TCF7L1: variants seen among roughly 807,000 people sequenced by gnomAD.
TCF7L1 encodes transcription factor 7-like 1.
TCF7L1 carries 18 observed loss-of-function variants against 63.7 expected under a neutral mutation model. That is an observed-to-expected ratio of 0.28 (90% CI 0.20 to 0.42). The LOEUF (loss-of-function observed/expected upper bound fraction) is 0.42, where lower values mean the gene tolerates loss of function less well. Ranked by LOEUF, TCF7L1 falls within the 10% of genes least tolerant of loss-of-function variation. The pLI is 1.00. For synonymous variants in TCF7L1, 355 were observed against 340.9 expected (o/e 1.04, Z -0.46); for missense variants, 654 against 779.3 (o/e 0.84, Z 1.91).
chr2:85,301,362 T>G (rs1480908064), intron 4 of TCF7L1, among the ~76,000 whole-genome samples: 1 of 152,216 alleles, frequency 6.6e-6, no homozygotes, highest in Non-Finnish European at 1.5e-5. Flanking sequence ...ACAGCTTCTT[T>G]TCTAGGTTAT....
At chr2:85,150,025 G>T (rs1339667297) in intron 3 of TCF7L1, among the ~76,000 whole-genome samples, 1 of 152,208 alleles carries the variant, frequency 6.6e-6, no homozygotes, top group African/African-American at 2.4e-5. Context: ...TTAACATAGA[G>T]ACAGTACAAT....
rs1357581133 is a variant in TCF7L1 at position 85,133,955 on chromosome 2, C to A, written c.249+22C>A. On this transcript the variant is annotated intron_variant, in intron 1 of 11. Transcript: ENST00000282111. The surrounding 1 kb of genome is among the most constrained non-coding windows in gnomAD (Gnocchi z 4.4). The stretch of plus-strand genomic sequence containing the variant: ...GGAGGTAAGGAAGCACCGCGGCCAC[C>A]CCCGGGGGATCCCGGCCCTGCGTCC... 6.4e-7 allele frequency: 1 copy of A among 1,570,472 alleles called. No individual in the cohort carries two copies. The highest frequency in any genetic ancestry group is 8.6e-7 in the Non-Finnish European group (1 of 1,156,494).
In TCF7L1 at chr2:85,309,476, C is replaced by G; in HGVS notation, c.*14C>G. 1.3e-6 allele frequency: 2 copies of G among 1,516,892 alleles called. No individual in the cohort carries two copies. The highest frequency in any genetic ancestry group is 1.8e-6 in the Non-Finnish European group (2 of 1,134,178). The allele number at this position is 1,516,892 out of a possible 1,614,324, so 94.0% of individuals were successfully genotyped here. Reference sequence around the variant, plus strand: ...TCTGCCCACTAAGCTCCCCCCGACCCCTGCAGGCTGTCACATGACTCATTG... The same window carrying G: ...TCTGCCCACTAAGCTCCCCCCGACCGCTGCAGGCTGTCACATGACTCATTG... On this transcript the variant is annotated 3_prime_UTR_variant, in exon 12 of 12. Transcript: ENST00000282111.
At chr2:85,259,111 T>TTGTC (rs1680795593) in intron 3 of TCF7L1, among the ~76,000 whole-genome samples, 1 of 152,124 alleles carries the variant, frequency 6.6e-6, no homozygotes, top group Non-Finnish European at 1.5e-5. Context: ...CCAAGACACA[T>TTGTC]TGTCATTCTG....
intron 3 of TCF7L1, among the ~76,000 whole-genome samples, chr2:85,160,034 T>C (rs1203254369): frequency 6.6e-6 from 1 of 152,198 alleles, no homozygotes; most frequent in African/African-American, 2.4e-5. Context: ...CTTTTCTCAC[T>C]CTACCTAAAG....
chr2:85,277,307 T>C (rs1412316762), intron 3 of TCF7L1, among the ~76,000 whole-genome samples: 2 of 152,150 alleles, frequency 1.3e-5, no homozygotes, highest in African/African-American at 4.8e-5. Context: ...TTTTCATTTA[T>C]AGTACGGTTA....
intron 3 of TCF7L1, among the ~76,000 whole-genome samples, chr2:85,229,695 C>CAA (rs950520682): frequency 5.3e-4 from 81 of 152,092 alleles, no homozygotes; most frequent in African/African-American, 1.9e-3. Context: ...ATCCAGCCAC[C>CAA]AATATATATC....
At chr2:85,254,480 G>C (rs1413236345) in intron 3 of TCF7L1, among the ~76,000 whole-genome samples, 1 of 152,222 alleles carries the variant, frequency 6.6e-6, no homozygotes, top group African/African-American at 2.4e-5. Context: ...TAGCCATTTA[G>C]ATATTCCCCT....
intron 3 of TCF7L1, among the ~76,000 whole-genome samples, chr2:85,280,431 A>G (rs1681383730): frequency 6.6e-6 from 1 of 152,090 alleles, no homozygotes. Flanking sequence ...TTAAGACCCA[A>G]AACTCTAGCA....
At chr2:85,302,994 C>G (rs146482464) in intron 5 of TCF7L1, among the ~76,000 whole-genome samples, 75 of 152,286 alleles carry the variant, frequency 4.9e-4, no homozygotes, top group African/African-American at 1.8e-3. Context: ...TAAGCAGACA[C>G]AGAAGTGCAA....
intron 3 of TCF7L1, among the ~76,000 whole-genome samples, chr2:85,269,065 G>A (rs752834673): frequency 5.9e-5 from 9 of 152,158 alleles, no homozygotes; most frequent in African/African-American, 9.7e-5. Context: ...GGTAGATCTC[G>A]GTGAGAAGCA....
At chr2:85,200,515 A>G (rs950968290) in intron 3 of TCF7L1, among the ~76,000 whole-genome samples, 5 of 152,240 alleles carry the variant, frequency 3.3e-5, no homozygotes, top group African/African-American at 9.6e-5. Context: ...TTGTCTGTCT[A>G]CAAGAGGAAT....
intron 3 of TCF7L1, among the ~76,000 whole-genome samples, chr2:85,222,361 AAAC>A (rs371439049): frequency 0.089 from 12,705 of 143,364 alleles, 610 homozygotes; most frequent in South Asian, 0.12. Context: ...ACAAACAAAC[AAAC>A]AAAAAAAAAA....
At chr2:85,271,523 T>C (rs930098841) in intron 3 of TCF7L1, among the ~76,000 whole-genome samples, 2 of 152,224 alleles carry the variant, frequency 1.3e-5, no homozygotes, top group African/African-American at 4.8e-5. Flanking sequence ...AAAACAACTG[T>C]AGAAGTATAT....
intron 3 of TCF7L1, among the ~76,000 whole-genome samples, chr2:85,221,733 A>G (rs180710778): frequency 6.6e-6 from 1 of 152,352 alleles, no homozygotes; most frequent in East Asian, 1.9e-4. Context: ...TGCATTATGC[A>G]TTAAGTTTGC....
chr2:85,215,295 A>G (rs768183695), intron 3 of TCF7L1, among the ~76,000 whole-genome samples: 5 of 152,372 alleles, frequency 3.3e-5, no homozygotes, highest in African/African-American at 7.2e-5. Context: ...CAGGTGATCA[A>G]TAAATGCTAA....
chr2:85,278,756 G>A (rs1681342995), intron 3 of TCF7L1, among the ~76,000 whole-genome samples: 1 of 152,264 alleles, frequency 6.6e-6, no homozygotes, highest in South Asian at 2.1e-4. Flanking sequence ...CAGATTCAGT[G>A]AGATTGGAAA....
chr2:85,159,802 G>T (rs946845772), intron 3 of TCF7L1, among the ~76,000 whole-genome samples: 2 of 152,212 alleles, frequency 1.3e-5, no homozygotes, highest in African/African-American at 4.8e-5. Context: ...CGGCCTTGCT[G>T]GTTTCCTTCT....
intron 3 of TCF7L1, among the ~76,000 whole-genome samples, chr2:85,282,113 G>A (rs192907676): frequency 1.2e-4 from 19 of 152,114 alleles, no homozygotes; most frequent in Non-Finnish European, 7.4e-5. Context: ...TCAGCCTCCC[G>A]AGTAGCTGGG....
Sources: gnomAD v4.1 joint callset for allele counts (sites outside exome capture counted in the v4.1 genomes callset) on GRCh38, gnomAD v4.1.1 for gene constraint, Gnocchi (gnomAD v3.1) non-coding constraint, MANE v1.5 for transcripts, NCBI Gene and HGNC (gene_info 2026-07-23, HGNC 2026-07-21) for gene names.